USP35: variants seen among roughly 807,000 people sequenced by gnomAD.
USP35 encodes ubiquitin specific peptidase 35.
USP35 carries 69 observed loss-of-function variants against 83.8 expected under a neutral mutation model. That is an observed-to-expected ratio of 0.82 (90% CI 0.68 to 1.01). The LOEUF is 1.01. Among genes scored for constraint, USP35 ranks in the 50% least tolerant of loss-of-function variants. USP35 has a pLI of 0.00. For synonymous variants in USP35, 714 were observed against 589.5 expected (o/e 1.21, Z -3.06); for missense variants, 1,503 against 1,362.5 (o/e 1.10, Z -1.62).
chr11:78,199,981 G>T, intron 4 of USP35, 152 bp from the exon 5 acceptor site: 2 of 917,476 alleles, frequency 2.2e-6, no homozygotes, highest in Non-Finnish European at 1.7e-6. Flanking sequence ...CTCACCATCT[G>T]TCTGTCCATC....
the USP35 span, chr11:78,225,250 TTG>T: frequency 2.4e-6 from 3 of 1,266,844 alleles, no homozygotes; most frequent in Non-Finnish European, 3.5e-6. Context: ...GATTCATGTG[TTG>T]ACACTTACCC....
chr11:78,235,067 T>C, the USP35 span, among the ~76,000 whole-genome samples: 1 of 152,134 alleles, frequency 6.6e-6, no homozygotes. Context: ...TGGAGACATT[T>C]TCCCCATGGT....
chr11:78,204,018 G>C (rs1359235952), intron 6 of USP35, among the ~76,000 whole-genome samples: 1 of 146,196 alleles, frequency 6.8e-6, no homozygotes, highest in Non-Finnish European at 1.5e-5. Flanking sequence ...AGCCTCCCAA[G>C]TAGCTGGGAC....
intron 1 of USP35, among the ~76,000 whole-genome samples, chr11:78,191,270 C>T (rs561415672): frequency 6.2e-4 from 95 of 152,298 alleles, no homozygotes; most frequent in African/African-American, 1.8e-3. Flanking sequence ...GAGGGTCATC[C>T]GAGAGGAACA....
chr11:78,197,416 C>T (rs1469916427), intron 2 of USP35, among the ~76,000 whole-genome samples: 2 of 152,122 alleles, frequency 1.3e-5, no homozygotes, highest in Non-Finnish European at 2.9e-5. Context: ...AACGTAAAAT[C>T]TTGATCCTCC....
At chr11:78,222,410 C>T in the USP35 span, among the ~76,000 whole-genome samples, 1 of 151,638 alleles carries the variant, frequency 6.6e-6, no homozygotes, top group Non-Finnish European at 1.5e-5. Context: ...ATTCTTTCTG[C>T]TGTATCTATG....
At chr11:78,225,494 C>A in the USP35 span, among the ~76,000 whole-genome samples, 3 of 152,188 alleles carry the variant, frequency 2.0e-5, no homozygotes, top group African/African-American at 7.2e-5. Flanking sequence ...TCCTGCTCAC[C>A]CCAGCCATCA....
chr11:78,191,425 G>A (rs193064554), intron 1 of USP35, among the ~76,000 whole-genome samples: 1 of 152,354 alleles, frequency 6.6e-6, no homozygotes, highest in Non-Finnish European at 1.5e-5. Flanking sequence ...GGCTTGGGAG[G>A]AGCAGCAGCG....
rs998252569 is a variant in USP35, at chr11:78,213,636, G to A, written c.2890-10G>A. On this transcript the variant is annotated splice_polypyrimidine_tract_variant and intron_variant, in intron 10 of 10. Coordinates refer to ENST00000529308, the MANE Select transcript of USP35 (RefSeq NM_020798.4). ...TCTAAGTCTAAGTCTCCTCTCATCTGTGTTCCCAGGAGCAGGAGAAGGAGG... is the reference window on the plus strand; with the variant it reads ...TCTAAGTCTAAGTCTCCTCTCATCTATGTTCCCAGGAGCAGGAGAAGGAGG... The A allele has an allele frequency of 2.0e-6, 3 of 1,476,576 alleles. No homozygotes were observed. Among genetic ancestry groups the A allele is most frequent in the Non-Finnish European group, 2.7e-6 (3 of 1,119,142 alleles). The allele number at this position is 1,476,576 out of a possible 1,614,324, so 91.5% of individuals were successfully genotyped here. A position where few individuals can be genotyped will look rare whatever the true frequency, so the allele number is the denominator to read the frequency against.
chr11:78,230,905 G>A, the USP35 span, among the ~76,000 whole-genome samples: 4 of 152,198 alleles, frequency 2.6e-5, no homozygotes. Flanking sequence ...CTTAACTGAG[G>A]CCTGTGTCAC....
At chr11:78,208,749 A>G in intron 8 of USP35, 108 bp from the exon 9 acceptor site, 1 of 1,224,148 alleles carries the variant, frequency 8.2e-7, no homozygotes, top group Non-Finnish European at 1.2e-6. Flanking sequence ...GGAGGCCAGG[A>G]AGTTTGAGGC....
intron 2 of USP35, among the ~76,000 whole-genome samples, chr11:78,197,284 A>G (rs1175167518): frequency 6.6e-6 from 1 of 151,554 alleles, no homozygotes; most frequent in Non-Finnish European, 1.5e-5. Context: ...AGTTTGATAG[A>G]AGCTATCACT....
At chr11:78,226,407 T>G in the USP35 span, 92 of 1,346,018 alleles carry the variant, frequency 6.8e-5, no homozygotes, top group Non-Finnish European at 8.3e-5. Context: ...ATCAAACTAT[T>G]GAGAACCCCT....
At chr11:78,229,729 C>T in the USP35 span, among the ~76,000 whole-genome samples, 1 of 152,362 alleles carries the variant, frequency 6.6e-6, no homozygotes, top group Middle Eastern at 3.4e-3. Flanking sequence ...CCAATCTTTT[C>T]TCTTTAGTTC....
rs747741823 is a variant in USP35 at position 78,196,725 on chromosome 11, C to T, written c.480C>T (p.His160=). ...RHPRCVPDGP[H]RLLFCQQLVR... is the part of the protein sequence containing the mutation. ...CGCGCTGTGTGCCCGACGGACCCCA[C>T]CGCCTGCTCTTCTGCCAGCAGCTGG... The change falls in exon 2 of 11, where the codon CAC becomes CAT. Residue 160 remains histidine (H), a synonymous_variant. Transcript: ENST00000529308. The surrounding 1 kb of genome is among the most constrained non-coding windows in gnomAD (Gnocchi z 4.8). 117 of 1,530,712 alleles carry T rather than the reference C, an allele frequency of 7.6e-5. No homozygotes were observed. The highest frequency in any genetic ancestry group is 2.8e-4 in the Admixed American group (14 of 50,830). The allele number at this position is 1,530,712 out of a possible 1,614,324, so 94.8% of individuals were successfully genotyped here. A position where few individuals can be genotyped will look rare whatever the true frequency, so the allele number is the denominator to read the frequency against.
chr11:78,209,641 C>T lies in USP35; in HGVS notation c.1786C>T (p.Leu596Phe). ...VSSREEAFTD[L>F]SLAFPPPERC... ...CTCCCGGGAGGAGGCCTTCACGGAC[C>T]TCTCTCTCGCCTTCCCTCCTCCTGA... is the stretch of plus-strand genomic sequence containing the variant. The change falls in exon 10 of 11, where the codon CTC becomes TTC. Residue 596 changes from leucine (L) to phenylalanine (F), a missense_variant. Transcript: ENST00000529308. 1 of 1,614,082 alleles carries T rather than the reference C, an allele frequency of 6.2e-7. No individual in the cohort carries two copies. Among genetic ancestry groups the T allele is most frequent in the African/African-American group, 1.3e-5 (1 of 75,050 alleles).
At chr11:78,236,474 T>A in the USP35 span, among the ~76,000 whole-genome samples, 1 of 152,160 alleles carries the variant, frequency 6.6e-6, no homozygotes, top group African/African-American at 2.4e-5. Context: ...TCTTCCTCCA[T>A]GGAACTGATG....
Position 78,196,351 on chromosome 11 carries a change from G to T in USP35, c.106G>T (p.Glu36Ter). The change falls in exon 2 of 11, where the codon GAG (glutamate) becomes TAG (stop). Residue 36 changes from glutamate (E) to a stop codon, truncating the protein, a stop_gained. Coordinates refer to ENST00000529308, the MANE Select transcript of USP35 (RefSeq NM_020798.4). LOFTEE classifies it high-confidence loss of function. This position sits in a 1 kb window ranked among gnomAD's most constrained non-coding sequence, Gnocchi z 4.8. ...LEAARQPLER[E>*]QCLALLALGA... ...GGCGGCGCGGCAGCCGCTGGAGCGTGAGCAGTGCCTGGCGCTGCTGGCGCT... is the reference window on the plus strand; with the variant it reads ...GGCGGCGCGGCAGCCGCTGGAGCGTTAGCAGTGCCTGGCGCTGCTGGCGCT... 1 of 1,575,836 alleles carries T rather than the reference G, an allele frequency of 6.3e-7. No homozygotes were observed. Among genetic ancestry groups the T allele is most frequent in the Non-Finnish European group, 8.6e-7 (1 of 1,169,514 alleles).
At chr11:78,224,766 C>T in the USP35 span, among the ~76,000 whole-genome samples, 11 of 152,086 alleles carry the variant, frequency 7.2e-5, no homozygotes, top group African/African-American at 2.2e-4. Flanking sequence ...CACACTGCAG[C>T]CTCCCTCCTG....
Sources: gnomAD v4.1 joint callset for allele counts (sites outside exome capture counted in the v4.1 genomes callset) on GRCh38, gnomAD v4.1.1 for gene constraint, Gnocchi (gnomAD v3.1) non-coding constraint, MANE v1.5 for transcripts, NCBI Gene and HGNC (gene_info 2026-07-23, HGNC 2026-07-21) for gene names.